The following ADAM32 variants were observed in gnomAD, a reference collection of about 807,000 sequenced individuals.
ADAM32 encodes ADAM metallopeptidase domain 32.
Under a neutral mutation model 114.9 loss-of-function variants are expected in ADAM32, and 89 were observed. The observed-to-expected ratio is 0.77, with a 90% CI of 0.65 to 0.92. The LOEUF is 0.92. Ranked by LOEUF, ADAM32 falls within the 40% of genes least tolerant of loss-of-function variation. The pLI is 0.00. For synonymous variants in ADAM32, 285 were observed against 307.5 expected (o/e 0.93, Z 0.77); for missense variants, 870 against 932.8 (o/e 0.93, Z 0.88).
At chr8:39,130,956 C>CTCTTT (rs1802411425) in intron 2 of ADAM32, 2 of 284,504 alleles carry the variant, frequency 7.0e-6, no homozygotes, top group Non-Finnish European at 1.3e-5. Flanking sequence ...AGGAGGATGT[C>CTCTTT]TTTTTTTTTT....
chr8:39,283,749 A>C, intron 24 of ADAM32, 125 bp downstream of exon 24: 3 of 602,694 alleles, frequency 5.0e-6, no homozygotes, highest in Non-Finnish European at 7.9e-6. Flanking sequence ...TGCACCAATA[A>C]ATAACCTATC....
At chr8:39,161,429 C>T (rs1164288134) in intron 7 of ADAM32, among the ~76,000 whole-genome samples, 1 of 152,118 alleles carries the variant, frequency 6.6e-6, no homozygotes, top group African/African-American at 2.4e-5. Flanking sequence ...GGTGGGGCAC[C>T]CATTCTAGTC....
chr8:39,144,598 T>C (rs901773026), intron 3 of ADAM32, among the ~76,000 whole-genome samples: 4 of 152,174 alleles, frequency 2.6e-5, no homozygotes, highest in African/African-American at 4.8e-5. Context: ...GAAGTGTGAG[T>C]ATCCACATTC....
chr8:39,238,908 T>G (rs995863575), intron 16 of ADAM32, among the ~76,000 whole-genome samples: 2 of 151,918 alleles, frequency 1.3e-5, no homozygotes, highest in Non-Finnish European at 2.9e-5. Flanking sequence ...AAAGCCTCCA[T>G]GAAGTTTGGG....
At chr8:39,170,824 C>T (rs1019547454) in intron 10 of ADAM32, among the ~76,000 whole-genome samples, 1 of 151,818 alleles carries the variant, frequency 6.6e-6, no homozygotes, top group African/African-American at 2.4e-5. Flanking sequence ...TATGTAAAGG[C>T]AGTGAGCAGA....
At chr8:39,271,045 T>TA in intron 20 of ADAM32, 131 bp downstream of exon 20, 4 of 732,082 alleles carry the variant, frequency 5.5e-6, no homozygotes, top group Non-Finnish European at 8.9e-6. Context: ...AGACTGCTAA[T>TA]ATATAGTCTA....
At chr8:39,195,378 C>G (rs1359158736) in intron 11 of ADAM32, among the ~76,000 whole-genome samples, 1 of 152,164 alleles carries the variant, frequency 6.6e-6, no homozygotes, top group Non-Finnish European at 1.5e-5. Flanking sequence ...TTTTATTCTA[C>G]AGATTGTCTC....
At chr8:39,110,550 T>C (rs977451399) in intron 1 of ADAM32, among the ~76,000 whole-genome samples, 5 of 152,220 alleles carry the variant, frequency 3.3e-5, no homozygotes, top group African/African-American at 1.2e-4. Flanking sequence ...CTCATTTGGG[T>C]AAATACCAAG....
chr8:39,284,388 CACACACACACACGTACACACACAT>C (rs1305961572), intron 24 of ADAM32, among the ~76,000 whole-genome samples: 12 of 151,822 alleles, frequency 7.9e-5, no homozygotes, highest in East Asian at 1.9e-4. Context: ...TACACACACA[CACACACACACACGTACACACACAT>C]ACACACACAC....
At chr8:39,112,532 C>T (rs1031108379) in intron 1 of ADAM32, among the ~76,000 whole-genome samples, 7 of 152,236 alleles carry the variant, frequency 4.6e-5, no homozygotes, top group Admixed American at 3.3e-4. Context: ...CGTAGCCTTT[C>T]AGTCTTTCTA....
At chr8:39,206,984 C>T (rs1043668625) in intron 11 of ADAM32, among the ~76,000 whole-genome samples, 5 of 151,886 alleles carry the variant, frequency 3.3e-5, no homozygotes, top group Admixed American at 2.6e-4. Flanking sequence ...CTTGTGGACT[C>T]GAAGCACCTG....
chr8:39,207,480 T>C (rs956828349), intron 11 of ADAM32, among the ~76,000 whole-genome samples: 1 of 152,256 alleles, frequency 6.6e-6, no homozygotes, highest in Non-Finnish European at 1.5e-5. Flanking sequence ...TTTCAACATA[T>C]GCATATATTG....
chr8:39,119,870 C>T (rs577602074), intron 2 of ADAM32, among the ~76,000 whole-genome samples: 1 of 152,192 alleles, frequency 6.6e-6, no homozygotes, highest in African/African-American at 2.4e-5. Context: ...ATTAAGGTTA[C>T]ATGAGGTCAA....
intron 2 of ADAM32, among the ~76,000 whole-genome samples, chr8:39,130,443 A>G (rs910447486): frequency 6.6e-6 from 1 of 151,516 alleles, no homozygotes; most frequent in African/African-American, 2.4e-5. Context: ...GTTTGTTATC[A>G]TTGTTTAAAT....
intron 2 of ADAM32, among the ~76,000 whole-genome samples, chr8:39,124,183 G>A (rs930613102): frequency 2.6e-5 from 4 of 151,840 alleles, no homozygotes; most frequent in African/African-American, 9.7e-5. Flanking sequence ...CCCTCCCCCA[G>A]CTCTCTGACA....
intron 6 of ADAM32, among the ~76,000 whole-genome samples, chr8:39,156,548 A>G (rs1046596417): frequency 1.3e-5 from 2 of 152,224 alleles, no homozygotes; most frequent in African/African-American, 4.8e-5. Context: ...TTTAAACTGA[A>G]GGACTACCTT....
intron 10 of ADAM32, among the ~76,000 whole-genome samples, chr8:39,176,935 A>G (rs2129446724): frequency 6.6e-6 from 1 of 152,230 alleles, no homozygotes; most frequent in Admixed American, 6.5e-5. Context: ...CTTTACCATT[A>G]TGTAATGCCC....
chr8:39,129,955 C>CTTT (rs71552835), intron 2 of ADAM32: 214 of 244,306 alleles, frequency 8.8e-4, no homozygotes, highest in South Asian at 1.9e-3. Flanking sequence ...ATCACATTTC[C>CTTT]TTTTTTTTTT....
At chr8:39,262,258 T>C (rs970211352) in intron 19 of ADAM32, among the ~76,000 whole-genome samples, 3 of 152,222 alleles carry the variant, frequency 2.0e-5, no homozygotes, top group Non-Finnish European at 2.9e-5. Flanking sequence ...TTCATTCCTA[T>C]GCATGTGGAT....
Sources: gnomAD v4.1 joint callset for allele counts (sites outside exome capture counted in the v4.1 genomes callset) on GRCh38, gnomAD v4.1.1 for gene constraint, MANE v1.5 for transcripts, NCBI Gene and HGNC (gene_info 2026-07-23, HGNC 2026-07-21) for gene names.